Variants in PUM1 observed in about 807,000 individuals in gnomAD.
PUM1 encodes pumilio RNA binding family member 1, also known as pumilio homolog 1.
PUM1 carries 13 observed loss-of-function variants against 131.8 expected under a neutral mutation model. The observed-to-expected ratio is 0.10, with a 90% CI of 0.06 to 0.16. The LOEUF (loss-of-function observed/expected upper bound fraction) is 0.16. PUM1 is among the 10% of genes least tolerant of loss of function. The pLI is 1.00. For missense variants in PUM1, 961 were observed against 1,512.4 expected (o/e 0.64, Z 6.05); for synonymous variants, 509 against 556.5 (o/e 0.91, Z 1.20).
intron 3 of PUM1, among the ~76,000 whole-genome samples, chr1:31,021,534 C>G (rs1210477528): frequency 6.6e-6 from 1 of 152,140 alleles, no homozygotes; most frequent in African/African-American, 2.4e-5. Context: ...CCACCCTCAA[C>G]AAACTTTTGT....
chr1:31,038,974 A>ATTTTTTTTTTT lies in PUM1; in HGVS notation c.364-10111_364-10110insAAAAAAAAAAA, dbSNP rs1557599182. Among the ~76,000 whole-genome samples the ATTTTTTTTTTT allele has an allele frequency of 2.3e-4, 7 of 30,700 alleles. 1 individual carries two copies. The highest frequency in any genetic ancestry group is 1.9e-3 in the African/African-American group (7 of 3,664). The allele number at this position is 30,700 out of a possible 152,430, so 20.1% of individuals were successfully genotyped here. A position where few individuals can be genotyped will look rare whatever the true frequency, so the allele number is the denominator to read the frequency against. ...TTTAAAATTTTATATATATATATAT[A>ATTTTTTTTTTT]TATATATATATTTTTTTTTTTTTTT... On this transcript the variant is annotated intron_variant, in intron 2 of 21. Coordinates refer to ENST00000426105, the MANE Select transcript of PUM1 (RefSeq NM_001020658.2).
intron 2 of PUM1, among the ~76,000 whole-genome samples, chr1:31,052,406 AT>A (rs79269184): frequency 0.083 from 12,117 of 146,216 alleles, 721 homozygotes; most frequent in East Asian, 0.3. Context: ...CCTTTTTTTC[AT>A]TTTTTTTTTC....
chr1:31,055,869 T>C (rs1010427798), intron 2 of PUM1, among the ~76,000 whole-genome samples: 1 of 152,178 alleles, frequency 6.6e-6, no homozygotes, highest in Non-Finnish European at 1.5e-5. Context: ...CCAGGCACCT[T>C]GACTCTCCTT....
At chr1:31,018,880 CAAAAATA>C (rs1197806506) in intron 3 of PUM1, among the ~76,000 whole-genome samples, 2 of 151,946 alleles carry the variant, frequency 1.3e-5, no homozygotes, top group South Asian at 2.1e-4. Context: ...AAAGAAAATT[CAAAAATA>C]AAAAATAAAA....
intron 2 of PUM1, among the ~76,000 whole-genome samples, chr1:31,042,036 G>A (rs1643834563): frequency 6.6e-6 from 1 of 152,134 alleles, no homozygotes; most frequent in Admixed American, 6.6e-5. Context: ...CAGGCCCAGT[G>A]GCTCACGCCT....
chr1:30,978,286 G>A (rs545847242), intron 9 of PUM1, among the ~76,000 whole-genome samples: 4 of 152,124 alleles, frequency 2.6e-5, no homozygotes, highest in African/African-American at 9.7e-5. Context: ...AGCTGTCTGA[G>A]CCACAAATTT....
At chr1:30,955,810 G>C (rs1447333924) in intron 14 of PUM1, among the ~76,000 whole-genome samples, 3 of 152,086 alleles carry the variant, frequency 2.0e-5, no homozygotes, top group Non-Finnish European at 4.4e-5. Flanking sequence ...CAAAAGTCTG[G>C]GTCTCAATCA....
intron 11 of PUM1, chr1:30,968,111 A>C (rs1483810316): frequency 3.0e-6 from 2 of 673,750 alleles, no homozygotes; most frequent in African/African-American, 1.8e-5. Flanking sequence ...ACCAAGGAAA[A>C]ACCACATATT....
At chr1:31,021,640 T>C (rs1366711948) in intron 3 of PUM1, among the ~76,000 whole-genome samples, 3 of 152,130 alleles carry the variant, frequency 2.0e-5, no homozygotes, top group African/African-American at 7.2e-5. Flanking sequence ...GAGTCCAGCA[T>C]GCAAAAGATA....
intron 3 of PUM1, among the ~76,000 whole-genome samples, chr1:31,019,394 T>C (rs1407600677): frequency 6.6e-6 from 1 of 152,166 alleles, no homozygotes; most frequent in African/African-American, 2.4e-5. Context: ...AACCACAAAT[T>C]AGATATTAGA....
Position 31,033,376 on chromosome 1 carries a change from C to CTTTTTT in PUM1, c.364-4518_364-4513dup, listed in dbSNP as rs748444500. On this transcript the variant is annotated intron_variant, in intron 2 of 21. Transcript: ENST00000426105. Reference sequence around the variant, plus strand: ...TGTGCCACCACATCCAGCTAATTTTCTTTTTTTTTTTTTTTTTTTTTTTTT... The same window carrying CTTTTTT: ...TGTGCCACCACATCCAGCTAATTTTCTTTTTTTTTTTTTTTTTTTTTTTTTTTTTTT... 3.2e-4 allele frequency among the ~76,000 whole-genome samples: 33 copies of CTTTTTT among 102,548 alleles called. 1 individual carries two copies. The highest frequency in any genetic ancestry group is 5.0e-4 in the East Asian group (1 of 2,016). 67.3% of individuals were successfully genotyped at this position (102,548 alleles called of 152,430 possible).
rs144792188 is a variant in PUM1, at chr1:31,053,153, C to T, written c.363+6051G>A. ...TCCTGAGTAGCTGGGATTACAGGCA[C>T]GTGCCACCACACCTGGCTAATTTTT... is the stretch of plus-strand genomic sequence containing the variant. On this transcript the variant is annotated intron_variant, in intron 2 of 21. Transcript: ENST00000426105. Among the ~76,000 whole-genome samples the T allele has an allele frequency of 9.3e-5, 14 of 151,326 alleles. No individual in the cohort carries two copies. The East Asian group carries it at 1.8e-3, about 19-fold the overall frequency.
rs572902848 is a variant in PUM1, at chr1:31,042,579, T to A, written c.364-13715A>T. On this transcript the variant is annotated intron_variant, in intron 2 of 21. Transcript: ENST00000426105. ...TTTCACTCAAAATGGCAGACCAAGCTCTTAACAGATGGTATAAGGTTTGTC... is the reference window on the plus strand; with the variant it reads ...TTTCACTCAAAATGGCAGACCAAGCACTTAACAGATGGTATAAGGTTTGTC... Among the ~76,000 whole-genome samples the A allele has an allele frequency of 9.9e-4, 151 of 152,296 alleles. 1 individual carries two copies. Among genetic ancestry groups the A allele is most frequent in the Non-Finnish European group, 1.6e-3 (112 of 68,026 alleles).
intron 2 of PUM1, among the ~76,000 whole-genome samples, chr1:31,037,671 C>T (rs1643657253): frequency 6.6e-6 from 1 of 151,878 alleles, no homozygotes; most frequent in African/African-American, 2.4e-5. Flanking sequence ...TGCACCACTG[C>T]ACTCCAGCCC....
At position 30,933,145 on chromosome 1, in the gene PUM1, G is replaced by C; in HGVS notation, c.*66C>G. On this transcript the variant is annotated 3_prime_UTR_variant, in exon 22 of 22. Coordinates refer to ENST00000426105, the MANE Select transcript of PUM1 (RefSeq NM_001020658.2). ...ACTCTACACTAGAACATTTCTGGTT[G>C]CTGGTTGGATTTGCCAGTGGGCCAG... 1.3e-6 allele frequency: 2 copies of C among 1,545,174 alleles called. No individual in the cohort carries two copies. Among genetic ancestry groups the C allele is most frequent in the Non-Finnish European group, 1.7e-6 (2 of 1,142,940 alleles).
intron 3 of PUM1, among the ~76,000 whole-genome samples, chr1:31,019,938 T>C (rs1425483317): frequency 6.6e-6 from 1 of 151,854 alleles, no homozygotes; most frequent in African/African-American, 2.4e-5. Flanking sequence ...AGAGAGCAAA[T>C]GTGCAGGTTT....
chr1:31,037,301 C>A (rs905694830), intron 2 of PUM1: 10 of 152,376 alleles, frequency 6.6e-5, no homozygotes, highest in East Asian at 3.9e-4. Context: ...TCTCTGCTGA[C>A]GTGACAGAAA....
At chr1:31,032,590 T>G (rs1643470881) in intron 2 of PUM1, among the ~76,000 whole-genome samples, 1 of 151,434 alleles carries the variant, frequency 6.6e-6, no homozygotes, top group South Asian at 2.1e-4. Context: ...AAAAAAAGGT[T>G]TTTAATCAAA....
At chr1:31,038,958 T>A (rs6701809) in intron 2 of PUM1, among the ~76,000 whole-genome samples, 2,358 of 42,236 alleles carry the variant, frequency 0.056, 203 homozygotes, top group African/African-American at 0.081. Context: ...TTTTAAAATT[T>A]TATATATATA....
Sources: allele counts gnomAD v4.1 joint callset (sites outside exome capture counted in the v4.1 genomes callset), GRCh38; gene constraint gnomAD v4.1.1; transcripts MANE v1.5; gene names NCBI Gene and HGNC (gene_info 2026-07-23, HGNC 2026-07-21).